The following TUB variants were observed in gnomAD, a reference collection of about 807,000 sequenced individuals.
TUB encodes the protein TUB bipartite transcription factor.
TUB carries 33 observed loss-of-function variants against 59.7 expected under a neutral mutation model. That is an observed-to-expected ratio of 0.55 (90% confidence interval 0.42 to 0.74). TUB has a LOEUF of 0.74. Ranked by LOEUF, TUB falls within the 30% of genes least tolerant of loss-of-function variation. The pLI, the probability that TUB is intolerant of heterozygous loss-of-function variation, is 0.00. For missense variants in TUB, 659 were observed against 672.0 expected (o/e 0.98, Z 0.21); for synonymous variants, 293 against 256.4 (o/e 1.14, Z -1.36).
chr11:8,080,446 A>C (rs1943527110), upstream of TUB, among the ~76,000 whole-genome samples: 1 of 152,184 alleles, frequency 6.6e-6, no homozygotes, highest in East Asian at 1.9e-4. Context: ...CTTTCAGATG[A>C]TCTTTGTAGG....
chr11:8,098,212 G>A (rs1944089606), intron 8 of TUB, among the ~76,000 whole-genome samples: 1 of 152,144 alleles, frequency 6.6e-6, no homozygotes, highest in Non-Finnish European at 1.5e-5. Flanking sequence ...GGGGGTGGGG[G>A]GCAGTGGTGA....
chr11:8,046,323 A>G (rs921620973), intron 2 of TUB, among the ~76,000 whole-genome samples: 12 of 152,300 alleles, frequency 7.9e-5, no homozygotes, highest in African/African-American at 2.2e-4. Flanking sequence ...CTGTTACTCC[A>G]TTGTGACTGA....
chr11:8,039,857 A>G (rs1322647164), intron 2 of TUB: 2 of 485,754 alleles, frequency 4.1e-6, no homozygotes, highest in Middle Eastern at 5.4e-4. Context: ...TGACCACTGG[A>G]CAAAGCCTGC....
chr11:8,038,558 T>C, upstream of TUB: 1 of 1,081,022 alleles, frequency 9.3e-7, no homozygotes, highest in South Asian at 3.0e-5. Flanking sequence ...AACCCACAGA[T>C]GCAGAGAGAC....
chr11:8,039,005 G>T, exon 1 of TUB: 1 of 1,613,670 alleles, frequency 6.2e-7, no homozygotes, highest in African/African-American at 1.3e-5. Flanking sequence ...CTGGGCCCCT[G>T]AAACGGGGCC....
At chr11:8,039,531 G>GGT in intron 1 of TUB, 2 of 883,806 alleles carry the variant, frequency 2.3e-6, no homozygotes, top group Non-Finnish European at 3.2e-6. Context: ...TGAGGCAGCT[G>GGT]AGACCAGGGC....
chr11:8,063,858 C>A (rs1226003947), intron 2 of TUB, among the ~76,000 whole-genome samples: 1 of 152,158 alleles, frequency 6.6e-6, no homozygotes, highest in Non-Finnish European at 1.5e-5. Flanking sequence ...AAAGGTTCAT[C>A]ATTTTTATTT....
intron 2 of TUB, among the ~76,000 whole-genome samples, chr11:8,050,479 G>A (rs1373447699): frequency 6.6e-6 from 1 of 152,118 alleles, no homozygotes; most frequent in Admixed American, 6.5e-5. Flanking sequence ...CCAACACTTG[G>A]TCTTTTCTGT....
chr11:8,037,611 T>A (rs1335979730), upstream of TUB, among the ~76,000 whole-genome samples: 10 of 152,098 alleles, frequency 6.6e-5, no homozygotes. Context: ...CTGGGTGTAA[T>A]TTTTACAAGA....
intron 3 of TUB, among the ~76,000 whole-genome samples, chr11:8,093,602 C>T (rs949973378): frequency 6.6e-6 from 1 of 152,192 alleles, no homozygotes; most frequent in Non-Finnish European, 1.5e-5. Flanking sequence ...GGCTCATCCC[C>T]GCAGAGCCCC....
chr11:8,099,176 G>T (rs1944144045), intron 9 of TUB, among the ~76,000 whole-genome samples: 1 of 152,116 alleles, frequency 6.6e-6, no homozygotes, highest in African/African-American at 2.4e-5. Flanking sequence ...GTTCTTGTCT[G>T]TGCATTTCCC....
chr11:8,065,517 C>T (rs1716701772), intron 2 of TUB, among the ~76,000 whole-genome samples: 1 of 152,188 alleles, frequency 6.6e-6, no homozygotes, highest in South Asian at 2.1e-4. Context: ...ATAGGGCAGT[C>T]AAGAAGATTG....
At chr11:8,042,210 G>T (rs1942763286) in intron 2 of TUB, among the ~76,000 whole-genome samples, 1 of 151,430 alleles carries the variant, frequency 6.6e-6, no homozygotes, top group Admixed American at 6.6e-5. Flanking sequence ...GACATTTCAT[G>T]TAAATGGAAT....
At chr11:8,064,345 C>G (rs1236453068) in intron 2 of TUB, among the ~76,000 whole-genome samples, 1 of 152,142 alleles carries the variant, frequency 6.6e-6, no homozygotes, top group Admixed American at 6.5e-5. Flanking sequence ...TCTGGGTACA[C>G]AGATTACCAT....
At chr11:8,088,022 C>A (rs1943699774) in intron 1 of TUB, among the ~76,000 whole-genome samples, 1 of 152,166 alleles carries the variant, frequency 6.6e-6, no homozygotes, top group African/African-American at 2.4e-5. Context: ...TTCAAGAAGA[C>A]CAAGGCCTAG....
upstream of TUB, chr11:8,077,603 A>T (rs139307169): frequency 6.6e-6 from 1 of 152,018 alleles, no homozygotes; most frequent in Non-Finnish European, 1.5e-5. Context: ...TCAATATCCT[A>T]TTCATCTTTC....
At position 8,047,656 on chromosome 11, in the gene TUB, T is replaced by C. The variant is rs2133747004; in HGVS notation, c.203+7964T>C. Among the ~76,000 whole-genome samples, 2 of 152,342 alleles carry C rather than the reference T, an allele frequency of 1.3e-5. 1 individual carries two copies. Among genetic ancestry groups the C allele is most frequent in the South Asian group, 4.1e-4 (2 of 4,830 alleles). ...GGTTTGTGCTGCCTCCCTGCTCTACTGCACAGGGGCTAGACTTAAGGAACT... is the reference window on the plus strand; with the variant it reads ...GGTTTGTGCTGCCTCCCTGCTCTACCGCACAGGGGCTAGACTTAAGGAACT... On this transcript the variant is annotated intron_variant, in intron 2 of 12. Transcript: ENST00000305253.
chr11:8,079,392 T>C (rs1943502855), upstream of TUB, among the ~76,000 whole-genome samples: 1 of 152,054 alleles, frequency 6.6e-6, no homozygotes. Flanking sequence ...TAGGGACCAA[T>C]CTCTGCTGCC....
intron 2 of TUB, among the ~76,000 whole-genome samples, chr11:8,049,360 C>T (rs755541699): frequency 1.2e-4 from 19 of 152,106 alleles, no homozygotes; most frequent in Admixed American, 6.6e-4. Flanking sequence ...CCTAGACCAA[C>T]TAAATCAGAG....
Sources: allele counts gnomAD v4.1 joint callset (sites outside exome capture counted in the v4.1 genomes callset), GRCh38; gene constraint gnomAD v4.1.1; transcripts MANE v1.5; gene names NCBI Gene and HGNC (gene_info 2026-07-23, HGNC 2026-07-21).